The following PARVA variants were observed in gnomAD, a reference collection of about 807,000 sequenced individuals.
PARVA encodes alpha-parvin.
A neutral mutation model predicts 52.6 loss-of-function variants in PARVA; 25 were observed. The observed-to-expected ratio is 0.48, with a 90% CI of 0.35 to 0.66. PARVA has a LOEUF of 0.66. Ranked by LOEUF, PARVA falls within the 30% of genes least tolerant of loss-of-function variation. The probability of loss-of-function intolerance (pLI) is 0.01; values close to 1 mark genes in which losing one functional copy is unlikely to be tolerated. For missense variants in PARVA, 373 were observed against 450.9 expected, an observed-to-expected ratio of 0.83 and a Z score of 1.56; for synonymous variants, 185 against 179.1, an observed-to-expected ratio of 1.03 and a Z score of -0.26.
intron 1 of PARVA, among the ~76,000 whole-genome samples, chr11:12,470,011 C>T (rs1940912317): frequency 6.6e-6 from 1 of 152,240 alleles, no homozygotes; most frequent in Non-Finnish European, 1.5e-5. Context: ...TACAACAAGT[C>T]TTGGGACAGG....
At chr11:12,485,882 A>T (rs1941152859) in intron 4 of PARVA, among the ~76,000 whole-genome samples, 1 of 152,044 alleles carries the variant, frequency 6.6e-6, no homozygotes, top group Non-Finnish European at 1.5e-5. Context: ...ATATAGGAAA[A>T]ATCAAGCAGT....
chr11:12,382,060 A>T (rs905339519), intron 1 of PARVA, among the ~76,000 whole-genome samples: 1 of 152,238 alleles, frequency 6.6e-6, no homozygotes, highest in Non-Finnish European at 1.5e-5. Flanking sequence ...CGTGGAGATG[A>T]TTAGCGTCAC....
At chr11:12,463,768 C>A in intron 1 of PARVA, among the ~76,000 whole-genome samples, 1 of 152,272 alleles carries the variant, frequency 6.6e-6, no homozygotes, top group Middle Eastern at 3.4e-3. Flanking sequence ...AGATTAGTTT[C>A]TTCTCTTCCA....
intron 1 of PARVA, among the ~76,000 whole-genome samples, chr11:12,463,842 C>A (rs1326929102): frequency 1.3e-5 from 2 of 152,124 alleles, no homozygotes; most frequent in Admixed American, 1.3e-4. Flanking sequence ...TATCTGTGGG[C>A]TTCAGATTGT....
intron 8 of PARVA, among the ~76,000 whole-genome samples, chr11:12,512,948 C>G (rs1004756401): frequency 3.3e-5 from 5 of 152,164 alleles, no homozygotes; most frequent in Admixed American, 2.6e-4. Context: ...ATAACATTCT[C>G]CCTCTACAGA....
intron 1 of PARVA, among the ~76,000 whole-genome samples, chr11:12,406,826 A>G (rs1428348658): frequency 2.6e-5 from 4 of 151,762 alleles, no homozygotes; most frequent in Admixed American, 2.0e-4. Flanking sequence ...ACCCGCCACC[A>G]TGCCCGGCTA....
Position 12,473,793 on chromosome 11 carries a change from G to C in PARVA, c.185G>C (p.Ser62Thr). ...EGMNAINLPL[S>T]PIPFELDPED... The stretch of plus-strand genomic sequence containing the variant: ...ATGAACGCCATCAACCTGCCCCTCA[G>C]CCCAATTCCCTTTGAGCTGGACCCC... Residue 62 changes from serine (S) to threonine (T), a missense_variant, in exon 2 of 13, where the codon AGC becomes ACC. Coordinates refer to ENST00000334956, the MANE Select transcript of PARVA (RefSeq NM_018222.5). The C allele has an allele frequency of 6.4e-7, 1 of 1,572,074 alleles. No homozygotes were observed. Among genetic ancestry groups the C allele is most frequent in the Non-Finnish European group, 8.6e-7 (1 of 1,157,610 alleles).
intron 1 of PARVA, among the ~76,000 whole-genome samples, chr11:12,418,424 G>A (rs1388635750): frequency 2.6e-5 from 4 of 151,994 alleles, no homozygotes; most frequent in East Asian, 1.9e-4. Context: ...TTGGGCTTGC[G>A]TTCTCTTTGT....
At chr11:12,492,991 A>T (rs1039976999) in intron 4 of PARVA, among the ~76,000 whole-genome samples, 1 of 152,238 alleles carries the variant, frequency 6.6e-6, no homozygotes, top group African/African-American at 2.4e-5. Flanking sequence ...GAAAAGACTT[A>T]TGATATATAT....
chr11:12,482,856 G>A (rs541166834), intron 4 of PARVA, among the ~76,000 whole-genome samples: 1 of 152,310 alleles, frequency 6.6e-6, no homozygotes, highest in South Asian at 2.1e-4. Context: ...GACACATGGG[G>A]ATTATTACAA....
At chr11:12,457,731 G>C (rs1940717366) in intron 1 of PARVA, among the ~76,000 whole-genome samples, 1 of 152,260 alleles carries the variant, frequency 6.6e-6, no homozygotes, top group African/African-American at 2.4e-5. Flanking sequence ...TGGCAGGACA[G>C]TGGTGCACAA....
chr11:12,504,124 A>AC (rs1941397475), intron 5 of PARVA, among the ~76,000 whole-genome samples, 190 bp from the exon 6 acceptor site: 1 of 151,958 alleles, frequency 6.6e-6, no homozygotes, highest in South Asian at 2.1e-4. Flanking sequence ...TGAGGGATCC[A>AC]CCCCCACAAT....
chr11:12,395,174 T>C (rs1184446649), intron 1 of PARVA, among the ~76,000 whole-genome samples: 1 of 152,148 alleles, frequency 6.6e-6, no homozygotes, highest in East Asian at 1.9e-4. Context: ...TATTTTTGAT[T>C]CACGTTTGGT....
At chr11:12,477,759 A>G (rs1589973055) in intron 3 of PARVA, 88 bp from the exon 4 acceptor site, 4 of 734,554 alleles carry the variant, frequency 5.4e-6, no homozygotes, top group Non-Finnish European at 9.6e-6. Flanking sequence ...TTGGATTTTA[A>G]TTGTTTAGGA....
intron 1 of PARVA, among the ~76,000 whole-genome samples, chr11:12,445,044 C>T (rs1001607278): frequency 3.9e-5 from 6 of 152,096 alleles, no homozygotes; most frequent in African/African-American, 1.4e-4. Context: ...ATTTTTAACC[C>T]TTGAGTGCAC....
intron 1 of PARVA, among the ~76,000 whole-genome samples, chr11:12,450,739 G>A (rs959672086): frequency 5.9e-5 from 9 of 152,292 alleles, no homozygotes; most frequent in South Asian, 2.1e-4. Flanking sequence ...CAAACCACTC[G>A]TGGAAGTCCA....
chr11:12,460,564 G>C (rs1361917849), intron 1 of PARVA, among the ~76,000 whole-genome samples: 2 of 152,104 alleles, frequency 1.3e-5, no homozygotes, highest in Non-Finnish European at 2.9e-5. Context: ...CGACTCTTCA[G>C]ACAAACCCAG....
intron 1 of PARVA, among the ~76,000 whole-genome samples, chr11:12,438,227 C>A (rs1940415317): frequency 6.6e-6 from 1 of 150,908 alleles, no homozygotes; most frequent in African/African-American, 2.4e-5. Flanking sequence ...GCCACTACAC[C>A]CCAGCCTGGG....
In PARVA at chr11:12,527,871, A is replaced by G. The variant is rs768032291; in HGVS notation, c.1065A>G (p.Lys355=). ...RPEDIVNCDL[K]STLRVLYNLF... is the part of the protein sequence containing the mutation. ...CAGACATAGTCAACTGTGACCTGAA[A>G]TCTACACTACGAGTGTTGTACAACC... Residue 355 remains lysine, a synonymous_variant, in exon 13 of 13, where the codon AAA becomes AAG. Transcript: ENST00000334956. 56 of 1,613,450 alleles carry G rather than the reference A, an allele frequency of 3.5e-5. No homozygotes were observed. The highest frequency in any genetic ancestry group is 4.7e-5 in the Non-Finnish European group (55 of 1,179,670).
Sources: allele counts gnomAD v4.1 joint callset (sites outside exome capture counted in the v4.1 genomes callset), GRCh38; gene constraint gnomAD v4.1.1; transcripts MANE v1.5; gene names NCBI Gene and HGNC (gene_info 2026-07-23, HGNC 2026-07-21).